The following ACSM5 variants were observed in gnomAD, a reference collection of about 807,000 sequenced individuals.
ACSM5 encodes the protein acyl-CoA synthetase medium chain family member 5.
Under a neutral mutation model 71.6 loss-of-function variants are expected in ACSM5, and 56 were observed. That is an observed-to-expected ratio of 0.78 (90% CI 0.63 to 0.98). The LOEUF is 0.98. Ranked by LOEUF, ACSM5 falls within the 50% of genes least tolerant of loss-of-function variation. The pLI is 0.00. For missense variants in ACSM5, 723 were observed against 726.0 expected (o/e 1.00, Z 0.05); for synonymous variants, 285 against 281.5 (o/e 1.01, Z -0.12).
intron 10 of ACSM5, among the ~76,000 whole-genome samples, chr16:20,433,840 ATT>A (rs61417020): frequency 0.19 from 26,154 of 137,102 alleles, 2,981 homozygotes; most frequent in East Asian, 0.41. Flanking sequence ...CACCTGGCTA[ATT>A]TTTTTTTTTT....
chr16:20,411,102 C>T lies in ACSM5; in HGVS notation c.-15-368C>T, dbSNP rs200134242. 9.8e-5 allele frequency among the ~76,000 whole-genome samples: 15 copies of T among 152,312 alleles called. No individual in the cohort carries two copies. In the East Asian group the frequency reaches 2.1e-3, roughly 22 times the overall value. On this transcript the variant is annotated intron_variant, in intron 1 of 13. Transcript: ENST00000331849. The stretch of plus-strand genomic sequence containing the variant: ...CATTGTAAATTGCACAGGTGGCTCA[C>T]GTTCTATTTCTGTTGGACAGTGCTG...
Position 20,431,295 on chromosome 16 carries a change from C to T in ACSM5, c.1282C>T (p.Pro428Ser), listed in dbSNP as rs773707858. 7 of 1,614,096 alleles carry T rather than the reference C, an allele frequency of 4.3e-6. No homozygotes were observed. In the Admixed American group the frequency reaches 1.0e-4, roughly 23 times the overall value. The change falls in exon 10 of 14, where the codon CCC (proline) becomes TCC (serine). Residue 428 changes from proline to serine, a missense_variant. Physicochemically the swap from Pro to Ser is moderately conservative, Grantham distance 74 (BLOSUM62 -1). Transcript: ENST00000331849. The stretch of plus-strand genomic sequence containing the variant: ...TGCCGTCCGTATCAGACCCACTCGG[C>T]CCTTCTGTTTCTTCAATTGCTATTT... ...NVAVRIRPTRPFCFFNCYLDN... is the reference protein window; with the variant it reads ...NVAVRIRPTRSFCFFNCYLDN...
At chr16:20,418,413 C>G (rs1285180793) in intron 3 of ACSM5, 144 bp downstream of exon 3, 11 of 850,896 alleles carry the variant, frequency 1.3e-5, no homozygotes, top group Non-Finnish European at 2.0e-5. Flanking sequence ...CAATCACAGA[C>G]TTGATTGTAT....
At chr16:20,412,387 A>T (rs1254143738) in intron 2 of ACSM5, among the ~76,000 whole-genome samples, 1 of 152,150 alleles carries the variant, frequency 6.6e-6, no homozygotes, top group Non-Finnish European at 1.5e-5. Context: ...AACAAAATAA[A>T]ATAAGGAAAG....
intron 10 of ACSM5, among the ~76,000 whole-genome samples, chr16:20,434,695 A>G (rs1967160930): frequency 6.6e-6 from 1 of 152,224 alleles, no homozygotes; most frequent in African/African-American, 2.4e-5. Flanking sequence ...CTCCATCTCA[A>G]ATAAATAAAT....
At chr16:20,427,451 C>A (rs1297643198) in intron 6 of ACSM5, among the ~76,000 whole-genome samples, 1 of 152,250 alleles carries the variant, frequency 6.6e-6, no homozygotes, top group East Asian at 1.9e-4. Context: ...TGGCTTGCTT[C>A]CCCCAGAACA....
rs145286929 is a variant in ACSM5, at chr16:20,437,084, A to G, written c.1341A>G (p.Gln447=). 4.8e-5 allele frequency: 77 copies of G among 1,614,144 alleles called. No homozygotes were observed. In the African/African-American group the frequency reaches 8.4e-4, roughly 18 times the overall value. The change falls in exon 11 of 14, where the codon CAA becomes CAG. Residue 447 remains glutamine (Q), a synonymous_variant. Coordinates refer to ENST00000331849, the MANE Select transcript of ACSM5 (RefSeq NM_017888.3). ...CTGAGAAGACAGCTGCATCAGAACAAGGGGACTTTTACATCACAGGGGACC... is the reference window on the plus strand; with the variant it reads ...CTGAGAAGACAGCTGCATCAGAACAGGGGGACTTTTACATCACAGGGGACC... The part of the protein sequence containing the change: ...DNPEKTAASE[Q]GDFYITGDRA...
chr16:20,438,294 A>G (rs11647589), intron 12 of ACSM5, among the ~76,000 whole-genome samples: 55,042 of 151,362 alleles, frequency 0.36, 11,463 homozygotes, highest in East Asian at 0.77. Flanking sequence ...AGAAGCATCA[A>G]GACCACAGGA....
At chr16:20,415,919 T>C (rs1452529064) in intron 2 of ACSM5, among the ~76,000 whole-genome samples, 1 of 152,152 alleles carries the variant, frequency 6.6e-6, no homozygotes, top group African/African-American at 2.4e-5. Flanking sequence ...AGCAGATAAC[T>C]TAATACTCAA....
At chr16:20,425,942 G>GC (rs1966970186) in intron 6 of ACSM5, among the ~76,000 whole-genome samples, 1 of 152,090 alleles carries the variant, frequency 6.6e-6, no homozygotes, top group Admixed American at 6.5e-5. Context: ...CTGGATAGAT[G>GC]CCCAGAAGTG....
intron 10 of ACSM5, among the ~76,000 whole-genome samples, chr16:20,436,480 C>G (rs1220398094): frequency 6.6e-6 from 1 of 152,126 alleles, no homozygotes; most frequent in Non-Finnish European, 1.5e-5. Context: ...AAGCAATTCG[C>G]CTGCCTCAGC....
intron 7 of ACSM5, 99 bp downstream of exon 7, chr16:20,427,966 T>C (rs141831659): frequency 0.015 from 13,587 of 892,454 alleles, 193 homozygotes; most frequent in South Asian, 0.038. Flanking sequence ...ACTCTCTTTC[T>C]TTCTCTGTCT....
intron 7 of ACSM5, 33 bp from the exon 8 acceptor site, chr16:20,429,645 A>T: frequency 1.2e-6 from 2 of 1,613,242 alleles, no homozygotes; most frequent in Non-Finnish European, 1.7e-6. Context: ...GAAGATCCTG[A>T]CATAGGTGGC....
chr16:20,418,323 C>T, intron 3 of ACSM5, 54 bp downstream of exon 3: 1 of 1,533,470 alleles, frequency 6.5e-7, no homozygotes, highest in Non-Finnish European at 8.8e-7. Flanking sequence ...CTTGCCAGAG[C>T]TTTGCAGTGT....
rs142899819 is a variant in ACSM5, at chr16:20,418,232, G to A, written c.378G>A (p.Pro126=). 3.7e-5 allele frequency: 60 copies of A among 1,612,058 alleles called. No homozygotes were observed. In the Middle Eastern group the frequency reaches 8.4e-4, roughly 23 times the overall value. ...TGATGCTGGTACTCCCACGGCTCCCGGAGTGGTGGCTGGTCAGTGTGGCTT... is the reference window on the plus strand; with the variant it reads ...TGATGCTGGTACTCCCACGGCTCCCAGAGTGGTGGCTGGTCAGTGTGGCTT... ...DRMMLVLPRL[P]EWWLVSVACM... is the part of the protein sequence containing the mutation. Residue 126 remains proline (P), a synonymous_variant, in exon 3 of 14, where the codon CCG becomes CCA. Transcript: ENST00000331849.
chr16:20,438,303 G>C lies in ACSM5; in HGVS notation c.1536+936G>C, dbSNP rs112060826. 4.9e-3 allele frequency among the ~76,000 whole-genome samples: 741 copies of C among 152,060 alleles called. 9 individuals are homozygous for C. The highest frequency in any genetic ancestry group is 0.017 in the African/African-American group (724 of 41,530). On this transcript the variant is annotated intron_variant, in intron 12 of 13. Transcript: ENST00000331849. ...ATTCTCAGAAGCATCAAGACCACAG[G>C]AGAGATTCTCAAAGTCTGGTTCTTG...
At chr16:20,436,397 G>A in intron 10 of ACSM5, among the ~76,000 whole-genome samples, 1 of 151,922 alleles carries the variant, frequency 6.6e-6, no homozygotes, top group Non-Finnish European at 1.5e-5. Context: ...CAATCTCACA[G>A]CCTCGCCCTA....
chr16:20,429,104 A>T (rs71384448), intron 7 of ACSM5, among the ~76,000 whole-genome samples: 13,125 of 152,006 alleles, frequency 0.086, 698 homozygotes, highest in East Asian at 0.19. Flanking sequence ...TCTGCCTCCC[A>T]GGTTCCAGCT....
Position 20,431,243 on chromosome 16 carries a change from C to G in ACSM5, c.1230C>G (p.Val410=). The G allele has an allele frequency of 6.2e-7, 1 of 1,614,126 alleles. No homozygotes were observed. ...DVQIVDDEGN[V]LPPGEEGNVA... is the part of the protein sequence containing the mutation. ...AGATTGTGGATGATGAGGGCAACGT[C>G]CTGCCTCCTGGAGAAGAGGGGAATG... The change falls in exon 10 of 14, where the codon GTC becomes GTG. Residue 410 remains valine (V), a synonymous_variant. Transcript: ENST00000331849.
Sources: allele counts gnomAD v4.1 joint callset (sites outside exome capture counted in the v4.1 genomes callset), GRCh38; gene constraint gnomAD v4.1.1; transcripts MANE v1.5; gene names NCBI Gene and HGNC (gene_info 2026-07-23, HGNC 2026-07-21).